The following TRMT1 variants were observed in gnomAD, a reference collection of about 807,000 sequenced individuals.
TRMT1 encodes tRNA methyltransferase 1.
Under a neutral mutation model 75.4 loss-of-function variants are expected in TRMT1, and 63 were observed. The ratio of observed to expected loss-of-function variants is 0.84; its 90% CI spans 0.68 to 1.03. TRMT1 has a LOEUF of 1.03. Among genes scored for constraint, TRMT1 ranks in the 50% least tolerant of loss-of-function variants. The probability of loss-of-function intolerance (pLI) is 0.00; values close to 1 mark genes in which losing one functional copy is unlikely to be tolerated. For synonymous variants in TRMT1, 382 were observed against 358.1 expected (o/e 1.07, Z -0.75); for missense variants, 870 against 905.3 (o/e 0.96, Z 0.50).
chr19:13,114,457 G>A (rs2019255412), intron 5 of TRMT1, among the ~76,000 whole-genome samples: 2 of 152,346 alleles, frequency 1.3e-5, no homozygotes, highest in East Asian at 1.9e-4. Flanking sequence ...ACGAGGTCAG[G>A]AAATCGAGAC....
chr19:13,107,590 G>C lies in TRMT1; in HGVS notation c.1567C>G (p.Leu523Val), dbSNP rs2018934065. ...TGCCCCTACCTGGGCTCCACACTGAGAATGCGGAACGCTGGGCTAGTCTCT... is the reference window on the plus strand; with the variant it reads ...TGCCCCTACCTGGGCTCCACACTGACAATGCGGAACGCTGGGCTAGTCTCT... The part of the protein sequence containing the change: ...LSETSPAFRI[L>V]SVEPRLQANF... Residue 523 changes from leucine (L) to valine (V), a missense_variant, in exon 14 of 17, where the codon CTC becomes GTC. Transcript: ENST00000357720. 6.2e-7 allele frequency: 1 copy of C among 1,606,024 alleles called. No homozygotes were observed. Among genetic ancestry groups the C allele is most frequent in the Admixed American group, 1.7e-5 (1 of 59,402 alleles).
intron 5 of TRMT1, among the ~76,000 whole-genome samples, chr19:13,113,498 A>T (rs1190145177): frequency 6.6e-6 from 1 of 151,988 alleles, no homozygotes; most frequent in Non-Finnish European, 1.5e-5. Flanking sequence ...TTTCCTACTT[A>T]GGAAAAGCAC....
chr19:13,110,000 T>G lies in TRMT1; in HGVS notation c.1021A>C (p.Lys341Gln), dbSNP rs775021722. The G allele has an allele frequency of 6.2e-7, 1 of 1,613,166 alleles. No individual in the cohort carries two copies. The highest frequency in any genetic ancestry group is 2.2e-5 in the East Asian group (1 of 44,856). Reference sequence around the variant, plus strand: ...ACACACTGGAACACCAGCGCCTGCTTGCTGTGGGGGGTACCAGTGGCCACG... The same window carrying G: ...ACACACTGGAACACCAGCGCCTGCTGGCTGTGGGGGGTACCAGTGGCCACG... Reference protein sequence around the residue: ...GQAKVKASASKQALVFQCVGC... With the variant: ...GQAKVKASASQQALVFQCVGC... The change falls in exon 9 of 17, where the codon AAG (lysine) becomes CAG (glutamine). Residue 341 changes from lysine (K) to glutamine (Q), a missense_variant and splice_region_variant. Transcript: ENST00000357720.
At chr19:13,106,411 G>A (rs1051067451) in intron 14 of TRMT1, among the ~76,000 whole-genome samples, 1 of 152,160 alleles carries the variant, frequency 6.6e-6, no homozygotes, top group African/African-American at 2.4e-5. Flanking sequence ...TGCCTGCATT[G>A]TTCTCAGTGC....
chr19:13,108,137 T>A (rs960426625), intron 12 of TRMT1, among the ~76,000 whole-genome samples: 6 of 151,564 alleles, frequency 4.0e-5, no homozygotes, highest in African/African-American at 1.5e-4. Context: ...ACTATAGGCA[T>A]GTGCCACCAC....
Position 13,107,868 on chromosome 19 carries a change from C to G in TRMT1, c.1398-9G>C. The G allele has an allele frequency of 6.4e-7, 1 of 1,550,676 alleles. No homozygotes were observed. Among genetic ancestry groups the G allele is most frequent in the Non-Finnish European group, 8.7e-7 (1 of 1,146,362 alleles). ...CGTGGAGGAGGGCCGACCTGGGGAA[C>G]AGCAGGGATTATGAGGGAGATGCCG... On this transcript the variant is annotated splice_polypyrimidine_tract_variant and intron_variant, in intron 12 of 16. Transcript: ENST00000357720.
chr19:13,105,918 C>T (rs1488624721), intron 14 of TRMT1, among the ~76,000 whole-genome samples: 2 of 152,050 alleles, frequency 1.3e-5, no homozygotes, highest in African/African-American at 4.8e-5. Flanking sequence ...AAAAATTAGC[C>T]AGGCGTGGTG....
intron 1 of TRMT1, 32 bp downstream of exon 1, chr19:13,116,621 A>C: frequency 1.6e-6 from 1 of 628,368 alleles, no homozygotes; most frequent in Non-Finnish European, 2.7e-6. Flanking sequence ...CCGAGTCCGA[A>C]TCCCTCCCCG....
chr19:13,112,647 G>T, intron 7 of TRMT1, 58 bp downstream of exon 7: 2 of 1,525,492 alleles, frequency 1.3e-6, no homozygotes, highest in South Asian at 1.2e-5. Context: ...ATTGGGAAGG[G>T]ACTCAGACAA....
At chr19:13,108,884 A>G (rs1328528007) in intron 12 of TRMT1, among the ~76,000 whole-genome samples, 2 of 148,500 alleles carry the variant, frequency 1.3e-5, no homozygotes, top group African/African-American at 5.0e-5. Flanking sequence ...TGCTGGGAAT[A>G]TAGGCATGAG....
rs138761725 is a variant in TRMT1, at chr19:13,114,775, A to T, written c.641+504T>A. ...GGAATGGCTTGAACCCGGGAGGCGG[A>T]GGTTGCAATGAGCTGAGATCGTGCC... On this transcript the variant is annotated intron_variant, in intron 5 of 16. Transcript: ENST00000357720. 7.3e-3 allele frequency among the ~76,000 whole-genome samples: 1,118 copies of T among 152,324 alleles called. 5 individuals carry two copies. Among genetic ancestry groups the T allele is most frequent in the Non-Finnish European group, 0.011 (724 of 68,032 alleles).
rs1282060725 is a variant in TRMT1 at position 13,107,805 on chromosome 19, G to A, written c.1452C>T (p.Asn484=). 36 of 1,552,242 alleles carry A rather than the reference G, an allele frequency of 2.3e-5. No individual in the cohort carries two copies. The highest frequency in any genetic ancestry group is 2.8e-5 in the Non-Finnish European group (32 of 1,147,278). The change falls in exon 13 of 17, where the codon AAC becomes AAT. Residue 484 remains asparagine (N), a synonymous_variant. Transcript: ENST00000357720. The part of the protein sequence containing the change: ...FRVSLSHACK[N]AVKTDAPASA... ...AGGCAGGGGCATCCGTCTTCACAGCGTTCTTACAGGCGTGGGAGAGTGAGA... is the reference window on the plus strand; with the variant it reads ...AGGCAGGGGCATCCGTCTTCACAGCATTCTTACAGGCGTGGGAGAGTGAGA...
chr19:13,112,910 G>T lies in TRMT1; in HGVS notation c.743C>A (p.Ala248Asp), dbSNP rs779774246. 6.2e-7 allele frequency: 1 copy of T among 1,613,364 alleles called. No homozygotes were observed. The highest frequency in any genetic ancestry group is 1.7e-5 in the Admixed American group (1 of 59,946). ...PATFLDAAVQ[A>D]VSEGGLLCVT... The stretch of plus-strand genomic sequence containing the variant: ...CCCCACCTCACCTCCTTCACTCACA[G>T]CCTGCACAGCTGCATCCAGGAAGGT... The change falls in exon 6 of 17, where the codon GCT becomes GAT. Residue 248 changes from alanine (A) to aspartate (D), a missense_variant. Transcript: ENST00000357720.
chr19:13,108,374 T>C (rs1173825303), intron 12 of TRMT1, among the ~76,000 whole-genome samples: 1 of 152,286 alleles, frequency 6.6e-6, no homozygotes, highest in East Asian at 1.9e-4. Flanking sequence ...CACTGCAGCC[T>C]CTGCCTCTCA....
At chr19:13,112,855 C>A in intron 6 of TRMT1, 38 bp from the exon 7 acceptor site, 2 of 1,613,430 alleles carry the variant, frequency 1.2e-6, no homozygotes, top group Non-Finnish European at 1.7e-6. Flanking sequence ...CCCTCCAACA[C>A]CCCAAGCCCT....
intron 14 of TRMT1, among the ~76,000 whole-genome samples, chr19:13,106,691 T>C (rs1225317096): frequency 1.3e-5 from 2 of 151,248 alleles, no homozygotes; most frequent in Non-Finnish European, 2.9e-5. Context: ...TTCGTCATGT[T>C]GGCCAGGCTG....
chr19:13,105,182 G>A (rs941077859), intron 16 of TRMT1, 85 bp downstream of exon 16: 56 of 1,557,350 alleles, frequency 3.6e-5, no homozygotes, highest in Non-Finnish European at 4.6e-5. Flanking sequence ...CACTTGCCTG[G>A]CCCCAGCTCC....
intron 8 of TRMT1, 76 bp from the exon 9 acceptor site, chr19:13,110,077 C>G: frequency 6.2e-7 from 1 of 1,609,602 alleles, no homozygotes. Context: ...CTGGCTCTGT[C>G]CCTTAAGAAG....
At chr19:13,105,640 G>A in intron 14 of TRMT1, 34 bp from the exon 15 acceptor site, 1 of 1,587,892 alleles carries the variant, frequency 6.3e-7, no homozygotes, top group Non-Finnish European at 8.6e-7. Flanking sequence ...TGGGGCTGGG[G>A]GAAGCTGCCA....
Sources: gnomAD v4.1 joint callset for allele counts (sites outside exome capture counted in the v4.1 genomes callset) on GRCh38, gnomAD v4.1.1 for gene constraint, MANE v1.5 for transcripts, NCBI Gene and HGNC (gene_info 2026-07-23, HGNC 2026-07-21) for gene names.